Variants in CHN2 observed in about 807,000 individuals in gnomAD.
CHN2 encodes the protein beta-chimaerin.
CHN2 carries 35 observed loss-of-function variants against 56.3 expected under a neutral mutation model. That is an observed-to-expected ratio of 0.62 (90% confidence interval 0.47 to 0.82). CHN2 has a LOEUF of 0.82. Ranked by LOEUF, CHN2 falls within the 40% of genes least tolerant of loss-of-function variation. The pLI is 0.00. For missense variants in CHN2, 491 were observed against 580.5 expected, an observed-to-expected ratio of 0.85 and a Z score of 1.58; for synonymous variants, 210 against 212.8, an observed-to-expected ratio of 0.99 and a Z score of 0.12.
chr7:29,277,378 C>G (rs906221160), intron 1 of CHN2, among the ~76,000 whole-genome samples: 4 of 152,170 alleles, frequency 2.6e-5, no homozygotes, highest in African/African-American at 9.7e-5. Flanking sequence ...TGATGTCAAG[C>G]CCATACTGGC....
chr7:29,285,759 G>A (rs1293456903), intron 1 of CHN2, among the ~76,000 whole-genome samples: 1 of 152,158 alleles, frequency 6.6e-6, no homozygotes. Context: ...TCCTGATTAT[G>A]TCATCCAACA....
At chr7:29,242,090 C>A (rs1787728352) in intron 1 of CHN2, among the ~76,000 whole-genome samples, 2 of 152,196 alleles carry the variant, frequency 1.3e-5, no homozygotes, top group Admixed American at 1.3e-4. Context: ...TTAATTCTCA[C>A]AACCATCCTA....
intron 6 of CHN2, among the ~76,000 whole-genome samples, chr7:29,473,976 A>G (rs867784719): frequency 0.012 from 1,806 of 152,356 alleles, 30 homozygotes; most frequent in African/African-American, 0.041. Flanking sequence ...AACTCAAAAA[A>G]AAATGCAAAG....
At chr7:29,208,352 C>G (rs1307389271) in intron 1 of CHN2, among the ~76,000 whole-genome samples, 1 of 152,164 alleles carries the variant, frequency 6.6e-6, no homozygotes, top group South Asian at 2.1e-4. Context: ...TGCCCCTTCA[C>G]GGGAGTGTGA....
In CHN2 at chr7:29,286,120, G is replaced by C. The variant is rs181631725; in HGVS notation, c.50-68505G>C. Among the ~76,000 whole-genome samples, 256 of 151,980 alleles carry C rather than the reference G, an allele frequency of 1.7e-3. 4 individuals are homozygous for C. The highest frequency in any genetic ancestry group is 4.3e-3 in the Admixed American group (65 of 15,272). On this transcript the variant is annotated intron_variant, in intron 1 of 12. Coordinates refer to ENST00000222792, the MANE Select transcript of CHN2 (RefSeq NM_004067.4). ...CACAAACATGTAGGAGCCTCTTTTC[G>C]AGGATGTGCCTCATACCCACCCTTT...
chr7:29,474,541 C>G (rs1240052473), intron 6 of CHN2, among the ~76,000 whole-genome samples: 4 of 152,168 alleles, frequency 2.6e-5, no homozygotes, highest in African/African-American at 9.7e-5. Context: ...ACACCCTCAT[C>G]ATCATTCGTA....
chr7:29,441,659 G>T, intron 6 of CHN2, among the ~76,000 whole-genome samples: 1 of 152,070 alleles, frequency 6.6e-6, no homozygotes, highest in South Asian at 2.1e-4. Flanking sequence ...TACACAAATG[G>T]CCAATAAGCA....
At chr7:29,451,768 ACT>A (rs1183427425) in intron 6 of CHN2, among the ~76,000 whole-genome samples, 4 of 152,084 alleles carry the variant, frequency 2.6e-5, no homozygotes, top group Non-Finnish European at 5.9e-5. Context: ...GTGTGAAGGC[ACT>A]CTGTGATTAG....
chr7:29,274,814 C>T (rs3793303), intron 1 of CHN2, among the ~76,000 whole-genome samples: 68,106 of 152,068 alleles, frequency 0.45, 15,825 homozygotes, highest in African/African-American at 0.56. Context: ...AGGAAAACTA[C>T]CTGCATCAGT....
chr7:29,147,494 G>A (rs1792918977), intron 2 of CHN2, among the ~76,000 whole-genome samples: 1 of 152,212 alleles, frequency 6.6e-6, no homozygotes, highest in African/African-American at 2.4e-5. Flanking sequence ...AGTTTTACGA[G>A]CTGGAACAAA....
At chr7:29,174,275 G>A (rs957910718) in intron 2 of CHN2, among the ~76,000 whole-genome samples, 1 of 152,188 alleles carries the variant, frequency 6.6e-6, no homozygotes, top group Non-Finnish European at 1.5e-5. Context: ...GCCTCTGGAG[G>A]GGGGCCAGCA....
intron 6 of CHN2, among the ~76,000 whole-genome samples, chr7:29,405,635 C>T (rs1169761805): frequency 6.6e-6 from 1 of 152,144 alleles, no homozygotes; most frequent in East Asian, 1.9e-4. Context: ...TTTCTTCCTG[C>T]AAAACCAAAG....
intron 1 of CHN2, chr7:29,212,833 C>A: frequency 6.2e-7 from 1 of 1,608,304 alleles, no homozygotes; most frequent in Admixed American, 1.7e-5. Context: ...CCAGCCACTA[C>A]TCTTCCTACC....
intron 9 of CHN2, among the ~76,000 whole-genome samples, chr7:29,504,417 T>C (rs1224666824): frequency 3.3e-5 from 5 of 152,208 alleles, no homozygotes; most frequent in Admixed American, 6.5e-5. Flanking sequence ...ACGAAATTCA[T>C]GTCCATCAAG....
intron 1 of CHN2, among the ~76,000 whole-genome samples, chr7:29,240,215 G>A (rs530488275): frequency 4.1e-4 from 63 of 152,310 alleles, no homozygotes; most frequent in Middle Eastern, 3.4e-3. Context: ...ACTGTCCCCT[G>A]AGCCTGGCCC....
intron 2 of CHN2, among the ~76,000 whole-genome samples, chr7:29,164,124 G>T (rs1454920014): frequency 6.6e-6 from 1 of 152,190 alleles, no homozygotes; most frequent in Non-Finnish European, 1.5e-5. Flanking sequence ...CCCACCAGCA[G>T]TGCATGAGAG....
At chr7:29,502,888 C>G (rs1183601756) in intron 9 of CHN2, among the ~76,000 whole-genome samples, 1 of 152,068 alleles carries the variant, frequency 6.6e-6, no homozygotes, top group East Asian at 1.9e-4. Flanking sequence ...TCCTAATGCT[C>G]TCCTTCCCCT....
At chr7:29,406,406 AG>A (rs1802653852) in intron 6 of CHN2, among the ~76,000 whole-genome samples, 1 of 152,102 alleles carries the variant, frequency 6.6e-6, no homozygotes, top group South Asian at 2.1e-4. Flanking sequence ...CTCTTGGTTG[AG>A]GGGTACCTGT....
chr7:29,405,065 T>C (rs1802519088), intron 6 of CHN2, among the ~76,000 whole-genome samples: 1 of 151,466 alleles, frequency 6.6e-6, no homozygotes. Flanking sequence ...ATTTAAAAAT[T>C]TAAATAAGAG....
Sources: gnomAD v4.1 joint callset for allele counts (sites outside exome capture counted in the v4.1 genomes callset) on GRCh38, gnomAD v4.1.1 for gene constraint, MANE v1.5 for transcripts, NCBI Gene and HGNC (gene_info 2026-07-23, HGNC 2026-07-21) for gene names.